The following CCDC170 variants were observed in gnomAD, a reference collection of about 807,000 sequenced individuals.
CCDC170 encodes the protein coiled-coil domain-containing protein 170.
In CCDC170, 69 loss-of-function variants were observed where a neutral mutation model predicts 72.6. The ratio of observed to expected loss-of-function variants is 0.95; its 90% confidence interval spans 0.78 to 1.16. CCDC170 has a LOEUF of 1.16. Ranked by LOEUF, CCDC170 falls within the 50% of genes most tolerant of loss-of-function variation. CCDC170 has a pLI of 0.00. For synonymous variants in CCDC170, 300 were observed against 303.9 expected, an observed-to-expected ratio of 0.99 and a Z score of 0.13; for missense variants, 852 against 832.5, an observed-to-expected ratio of 1.02 and a Z score of -0.29.
In CCDC170 at chr6:151,522,160, CA is replaced by C. The variant is rs370521229; in HGVS notation, c.58-14146del. On this transcript the variant is annotated intron_variant, in intron 1 of 10. Transcript: ENST00000239374. ...GGGTGACAAGAGTGAAATTCCATGT[CA>C]AAAAAAAAAAATTTCACTTTAAAGA... Among the ~76,000 whole-genome samples, 1,063 of 142,452 alleles carry C rather than the reference CA, an allele frequency of 7.5e-3. 5 individuals are homozygous for C. The highest frequency in any genetic ancestry group is 0.018 in the South Asian group (80 of 4,520). The allele number at this position is 142,452 out of a possible 152,430, so 93.5% of individuals were successfully genotyped here.
chr6:151,577,835 A>G (rs538522944), intron 6 of CCDC170, among the ~76,000 whole-genome samples: 91 of 152,336 alleles, frequency 6.0e-4, no homozygotes, highest in African/African-American at 2.1e-3. Flanking sequence ...TGTGCATGCG[A>G]GGGATCTAGG....
intron 1 of CCDC170, among the ~76,000 whole-genome samples, chr6:151,503,656 T>C (rs1782025806): frequency 6.6e-6 from 1 of 151,992 alleles, no homozygotes; most frequent in South Asian, 2.1e-4. Flanking sequence ...TTTCACCATG[T>C]CGTCCAGGCT....
At chr6:151,535,986 C>G (rs1364164448) in intron 1 of CCDC170, among the ~76,000 whole-genome samples, 1 of 152,154 alleles carries the variant, frequency 6.6e-6, no homozygotes, top group African/African-American at 2.4e-5. Flanking sequence ...TCTGGAACTT[C>G]TGGCCTCAAG....
chr6:151,610,522 A>G (rs1371305652), intron 9 of CCDC170, among the ~76,000 whole-genome samples: 1 of 152,354 alleles, frequency 6.6e-6, no homozygotes, highest in East Asian at 1.9e-4. Flanking sequence ...AGCAAACATC[A>G]TGACACTTCA....
intron 1 of CCDC170, among the ~76,000 whole-genome samples, chr6:151,520,695 C>T (rs755536434): frequency 1.1e-4 from 16 of 152,188 alleles, no homozygotes; most frequent in Non-Finnish European, 2.2e-4. Flanking sequence ...TTTGCAGACC[C>T]TGCACTTGAT....
At chr6:151,571,620 G>A (rs567207934) in intron 5 of CCDC170, among the ~76,000 whole-genome samples, 41 of 152,060 alleles carry the variant, frequency 2.7e-4, no homozygotes, top group Non-Finnish European at 4.6e-4. Flanking sequence ...CCATCTACTC[G>A]GGAGGCTGAG....
At chr6:151,585,048 G>A (rs935509664) in intron 6 of CCDC170, among the ~76,000 whole-genome samples, 1 of 152,146 alleles carries the variant, frequency 6.6e-6, no homozygotes, top group Non-Finnish European at 1.5e-5. Flanking sequence ...AACATTTTAT[G>A]AAACTGGATT....
intron 5 of CCDC170, among the ~76,000 whole-genome samples, chr6:151,571,281 C>G (rs868541395): frequency 1.3e-4 from 20 of 149,828 alleles, no homozygotes; most frequent in African/African-American, 2.5e-4. Flanking sequence ...TATTGTGTTT[C>G]TTTTTAGTGC....
chr6:151,532,050 A>T (rs1189122990), intron 1 of CCDC170, among the ~76,000 whole-genome samples: 1 of 152,324 alleles, frequency 6.6e-6, no homozygotes, highest in East Asian at 1.9e-4. Flanking sequence ...TAACCAATGC[A>T]ATTAGTCAAG....
At chr6:151,586,783 TTTA>T (rs1776456729) in intron 7 of CCDC170, among the ~76,000 whole-genome samples, 1 of 151,950 alleles carries the variant, frequency 6.6e-6, no homozygotes, top group Non-Finnish European at 1.5e-5. Flanking sequence ...TATGTTTATG[TTTA>T]TTATTTCTAT....
chr6:151,595,985 G>A (rs1776615536), intron 8 of CCDC170, among the ~76,000 whole-genome samples: 1 of 152,132 alleles, frequency 6.6e-6, no homozygotes, highest in African/African-American at 2.4e-5. Context: ...ACAGGATTTT[G>A]TCTCTCTGTC....
At chr6:151,511,509 A>C (rs957269489) in intron 1 of CCDC170, among the ~76,000 whole-genome samples, 2 of 152,212 alleles carry the variant, frequency 1.3e-5, no homozygotes, top group Non-Finnish European at 2.9e-5. Flanking sequence ...TGGGGTGTTC[A>C]TTATGTGCTA....
chr6:151,536,443 T>C lies in CCDC170; in HGVS notation c.183T>C (p.Ser61=). ...ATLVKFECAQ[S]ELQDLRSKML... ...TGGTCAAATTTGAATGTGCTCAGTCTGAGGTAAGATAATGCATTTCCAGCA... is the reference window on the plus strand; with the variant it reads ...TGGTCAAATTTGAATGTGCTCAGTCCGAGGTAAGATAATGCATTTCCAGCA... Residue 61 remains serine, a synonymous_variant, in exon 2 of 11, where the codon TCT becomes TCC. Coordinates refer to ENST00000239374, the MANE Select transcript of CCDC170 (RefSeq NM_025059.4). The C allele has an allele frequency of 6.2e-7, 1 of 1,614,020 alleles. No homozygotes were observed. The highest frequency in any genetic ancestry group is 8.5e-7 in the Non-Finnish European group (1 of 1,179,924).
At position 151,508,929 on chromosome 6, in the gene CCDC170, C is replaced by T. The variant is rs529084314; in HGVS notation, c.57+14744C>T. Among the ~76,000 whole-genome samples the T allele has an allele frequency of 1.5e-3, 220 of 149,410 alleles. 2 individuals carry two copies. The highest frequency in any genetic ancestry group is 0.014 in the South Asian group (64 of 4,676). On this transcript the variant is annotated intron_variant, in intron 1 of 10. Transcript: ENST00000239374. ...ACTTGGAGGGCTGAGGCAAGAGAAT[C>T]ACTTGAACCCAGGAGGCGGAGGTTG...
intron 1 of CCDC170, among the ~76,000 whole-genome samples, chr6:151,495,507 CT>C (rs1012295541): frequency 4.0e-5 from 6 of 151,316 alleles, no homozygotes; most frequent in East Asian, 1.9e-4. Flanking sequence ...TTTCTTTCTT[CT>C]TTTTTTCAGA....
At chr6:151,500,975 G>A (rs1582999180) in intron 1 of CCDC170, among the ~76,000 whole-genome samples, 1 of 152,122 alleles carries the variant, frequency 6.6e-6, no homozygotes, top group Non-Finnish European at 1.5e-5. Context: ...TATTTGGGAT[G>A]TGGCTGTAAA....
At chr6:151,518,661 A>G (rs1459631234) in intron 1 of CCDC170, among the ~76,000 whole-genome samples, 2 of 152,206 alleles carry the variant, frequency 1.3e-5, no homozygotes, top group Admixed American at 6.5e-5. Flanking sequence ...CCAGCCCCCA[A>G]TATTTCAACG....
rs931566969 is a variant in CCDC170, at chr6:151,619,088, A to C, written c.*941A>C. 2.6e-5 allele frequency: 4 copies of C among 152,130 alleles called. No homozygotes were observed. Among genetic ancestry groups the C allele is most frequent in the African/African-American group, 9.7e-5 (4 of 41,436 alleles). 9.4% of individuals were successfully genotyped at this position (152,130 alleles called of 1,614,324 possible). A position where few individuals can be genotyped will look rare whatever the true frequency, so the allele number is the denominator to read the frequency against. ...AAGCTATATGATTTCTTCAAAAAGC[A>C]AAAGCAATATACCTAATTCATTTGG... On this transcript the variant is annotated 3_prime_UTR_variant, in exon 11 of 11. Coordinates refer to ENST00000239374, the MANE Select transcript of CCDC170 (RefSeq NM_025059.4).
chr6:151,618,737 A>C lies in CCDC170; in HGVS notation c.*590A>C, dbSNP rs1209815818. 1.9e-5 allele frequency: 3 copies of C among 154,770 alleles called. No individual in the cohort carries two copies. The allele number at this position is 154,770 out of a possible 1,614,324, so 9.6% of individuals were successfully genotyped here. On this transcript the variant is annotated 3_prime_UTR_variant, in exon 11 of 11. Coordinates refer to ENST00000239374, the MANE Select transcript of CCDC170 (RefSeq NM_025059.4). ...TCGTGAGTTAATGTCCGGGCTGGTC[A>C]CAGTGGTTCATGCCTGTAATCCCAG...
Sources: allele counts gnomAD v4.1 joint callset (sites outside exome capture counted in the v4.1 genomes callset), GRCh38; gene constraint gnomAD v4.1.1; transcripts MANE v1.5; gene names NCBI Gene and HGNC (gene_info 2026-07-23, HGNC 2026-07-21).